NOL6: variants seen among roughly 807,000 people sequenced by gnomAD.
The protein encoded by NOL6 is nucleolar RNA-associated protein.
In NOL6, 33 loss-of-function variants were observed where a neutral mutation model predicts 131.7. The ratio of observed to expected loss-of-function variants is 0.25; its 90% CI spans 0.19 to 0.33. The LOEUF (loss-of-function observed/expected upper bound fraction) is 0.33. Among genes scored for constraint, NOL6 ranks in the 10% least tolerant of loss-of-function variants. The probability of loss-of-function intolerance (pLI) is 1.00; values close to 1 mark genes in which losing one functional copy is unlikely to be tolerated. For synonymous variants in NOL6, 580 were observed against 605.7 expected, an observed-to-expected ratio of 0.96 and a Z score of 0.62; for missense variants, 1,297 against 1,494.5, an observed-to-expected ratio of 0.87 and a Z score of 2.18.
At position 33,461,978 on chromosome 9, in the gene NOL6, C is replaced by T. The variant is rs776943771; in HGVS notation, c.*686G>A. Reference sequence around the variant, plus strand: ...GGCAGATGCAGCTAACGGGTAGCCCCCAGTGCTTTTTGCACCTCTCCAAGA... The same window carrying T: ...GGCAGATGCAGCTAACGGGTAGCCCTCAGTGCTTTTTGCACCTCTCCAAGA... On this transcript the variant is annotated 3_prime_UTR_variant, in exon 26 of 26. Transcript: ENST00000297990. 3.3e-6 allele frequency: 2 copies of T among 597,306 alleles called. No individual in the cohort carries two copies. The highest frequency in any genetic ancestry group is 6.1e-6 in the Non-Finnish European group (2 of 327,550). The allele number at this position is 597,306 out of a possible 1,614,324, so 37.0% of individuals were successfully genotyped here.
chr9:33,473,891 T>G lies in NOL6; in HGVS notation c.-49A>C, dbSNP rs778383502. ...GCACTTCAGATTCTAGCCGGGTCTATACCTCATAGCTTCCCACGTGGGCGG... is the reference window on the plus strand; with the variant it reads ...GCACTTCAGATTCTAGCCGGGTCTAGACCTCATAGCTTCCCACGTGGGCGG... On this transcript the variant is annotated 5_prime_UTR_variant, in exon 1 of 26. Coordinates refer to ENST00000297990, the MANE Select transcript of NOL6 (RefSeq NM_022917.5). The G allele has an allele frequency of 6.2e-7, 1 of 1,603,826 alleles. No homozygotes were observed. Among genetic ancestry groups the G allele is most frequent in the Non-Finnish European group, 8.5e-7 (1 of 1,177,176 alleles).
At position 33,466,349 on chromosome 9, in the gene NOL6, C is replaced by T. The variant is rs780346321; in HGVS notation, c.2168G>A (p.Arg723Gln). 3.0e-5 allele frequency: 48 copies of T among 1,614,078 alleles called. No individual in the cohort carries two copies. Among genetic ancestry groups the T allele is most frequent in the East Asian group, 8.9e-5 (4 of 44,902 alleles). The change falls in exon 17 of 26, where the codon CGG (arginine) becomes CAG (glutamine). Residue 723 changes from arginine to glutamine, a missense_variant. Transcript: ENST00000297990. Reference sequence around the variant, plus strand: ...GTAGGCCGGACAGGGCTTATCGAGCCGGGGCAGCAGTGAGGACCGCTCCCG... The same window carrying T: ...GTAGGCCGGACAGGGCTTATCGAGCTGGGGCAGCAGTGAGGACCGCTCCCG... ...TLRERSSLLP[R>Q]LDKPCPAYVE...
Position 33,467,013 on chromosome 9 carries a change from A to G in NOL6, c.1875-26T>C. 1 of 1,614,082 alleles carries G rather than the reference A, an allele frequency of 6.2e-7. No homozygotes were observed. The highest frequency in any genetic ancestry group is 8.5e-7 in the Non-Finnish European group (1 of 1,179,970). On this transcript the variant is annotated intron_variant, in intron 14 of 25. Coordinates refer to ENST00000297990, the MANE Select transcript of NOL6 (RefSeq NM_022917.5). The surrounding 1 kb of genome is among the most constrained non-coding windows in gnomAD (Gnocchi z 4.4). Reference sequence around the variant, plus strand: ...CTGAAAAAGAGGCAGAGACACAGTGAGAAAATTTGGGGCTATGTTCTCGCT... The same window carrying G: ...CTGAAAAAGAGGCAGAGACACAGTGGGAAAATTTGGGGCTATGTTCTCGCT...
intron 3 of NOL6, among the ~76,000 whole-genome samples, chr9:33,471,798 T>C (rs936336388): frequency 6.6e-6 from 1 of 152,234 alleles, no homozygotes; most frequent in Non-Finnish European, 1.5e-5. Flanking sequence ...TTTACTGATA[T>C]ATCCTAAGAA....
chr9:33,463,995 G>A, intron 22 of NOL6, 42 bp downstream of exon 22: 1 of 1,612,640 alleles, frequency 6.2e-7, no homozygotes, highest in Non-Finnish European at 8.5e-7. Flanking sequence ...CTTTTTCCTT[G>A]GGAAGAAAAC....
Position 33,468,416 on chromosome 9 carries a change from G to C in NOL6, c.1213C>G (p.Leu405Val). The C allele has an allele frequency of 6.2e-7, 1 of 1,614,140 alleles. No individual in the cohort carries two copies. Among genetic ancestry groups the C allele is most frequent in the Non-Finnish European group, 8.5e-7 (1 of 1,179,996 alleles). ...GAGAAGGCCTGGTGGAAGTCAGCCAGGGCCGGCTTGGGGGGTGTAGAGAGA... is the reference window on the plus strand; with the variant it reads ...GAGAAGGCCTGGTGGAAGTCAGCCACGGCCGGCTTGGGGGGTGTAGAGAGA... Reference protein sequence around the residue: ...CLSSDPSLPALADFHQAFSVV... With the variant: ...CLSSDPSLPAVADFHQAFSVV... Residue 405 changes from leucine to valine, a missense_variant, in exon 10 of 26, where the codon CTG (leucine) becomes GTG (valine). Leu to Val is a conservative substitution (Grantham distance 32). Transcript: ENST00000297990.
Position 33,467,910 on chromosome 9 carries a change from T to C in NOL6, c.1425-42A>G. 6.3e-7 allele frequency: 1 copy of C among 1,584,126 alleles called. No homozygotes were observed. Among genetic ancestry groups the C allele is most frequent in the Non-Finnish European group, 8.6e-7 (1 of 1,162,466 alleles). On this transcript the variant is annotated intron_variant, in intron 11 of 25. Transcript: ENST00000297990. This position sits in a 1 kb window ranked among gnomAD's most constrained non-coding sequence, Gnocchi z 4.4. ...GGCCAAAGAGGGGTAATCAGGTTGCTGGCCCCTAGTACCACCTCCTCCCTG... is the reference window on the plus strand; with the variant it reads ...GGCCAAAGAGGGGTAATCAGGTTGCCGGCCCCTAGTACCACCTCCTCCCTG...
chr9:33,468,624 G>A, intron 8 of NOL6, 58 bp from the exon 9 acceptor site: 1 of 1,607,744 alleles, frequency 6.2e-7, no homozygotes, highest in South Asian at 1.1e-5. Flanking sequence ...CAGCCCTAAT[G>A]ACACCCTCCC....
intron 21 of NOL6, 80 bp from the exon 22 acceptor site, chr9:33,464,241 C>G (rs772875148): frequency 5.4e-6 from 8 of 1,472,484 alleles, no homozygotes; most frequent in East Asian, 2.3e-5. Context: ...TCCTACGGTG[C>G]CCCCAACGGC....
In NOL6 at chr9:33,461,693, G is replaced by A. The variant is rs1247486178; in HGVS notation, c.*971C>T. On this transcript the variant is annotated 3_prime_UTR_variant, in exon 26 of 26. Transcript: ENST00000297990. The stretch of plus-strand genomic sequence containing the variant: ...AACTGCTCTAATAGTTCAGAGGAGG[G>A]AAAGATCACCTCAGGCTGGGGGCGA... 1.3e-5 allele frequency: 2 copies of A among 158,900 alleles called. No homozygotes were observed. The highest frequency in any genetic ancestry group is 1.4e-5 in the Non-Finnish European group (1 of 71,810). The allele number at this position is 158,900 out of a possible 1,614,324, so 9.8% of individuals were successfully genotyped here.
chr9:33,464,117 C>A lies in NOL6; in HGVS notation c.2824G>T (p.Ala942Ser). ...ACAATGACCATGACGGGGAGCTGTGCCCGAGCTGCCAGGAAGCCACTGCGG... is the reference window on the plus strand; with the variant it reads ...ACAATGACCATGACGGGGAGCTGTGACCGAGCTGCCAGGAAGCCACTGCGG... ...EIRSGFLAAR[A>S]QLPVMVIVTP... Residue 942 changes from alanine to serine, a missense_variant, in exon 22 of 26, where the codon GCA becomes TCA. Transcript: ENST00000297990. The A allele has an allele frequency of 6.2e-7, 1 of 1,612,710 alleles. No homozygotes were observed. Among genetic ancestry groups the A allele is most frequent in the Non-Finnish European group, 8.5e-7 (1 of 1,179,388 alleles).
chr9:33,465,735 C>T lies in NOL6; in HGVS notation c.2527G>A (p.Gly843Arg), dbSNP rs1485256346. The T allele has an allele frequency of 6.2e-6, 10 of 1,611,694 alleles. No homozygotes were observed. Among genetic ancestry groups the T allele is most frequent in the Admixed American group, 1.7e-5 (1 of 59,710 alleles). ...AAGAAGCTGTGTCAGTGGCCTTACC[C>T]GTGCAGGGCACTGGTGAGCAGTGGC... ...QLPLLTSALH[G>R]LQQQHPAFSG... The change falls in exon 19 of 26, where the codon GGA becomes AGA. Residue 843 changes from glycine to arginine, a missense_variant and splice_region_variant. Transcript: ENST00000297990.
At chr9:33,465,112 AC>A in intron 20 of NOL6, 94 bp downstream of exon 20, 1 of 1,499,864 alleles carries the variant, frequency 6.7e-7, no homozygotes, top group Non-Finnish European at 9.0e-7. Context: ...CACTTGCTCA[AC>A]CACCCATTCC....
Position 33,467,986 on chromosome 9 carries a change from A to G in NOL6, c.1424+44T>C. 1.2e-6 allele frequency: 2 copies of G among 1,613,708 alleles called. No homozygotes were observed. Among genetic ancestry groups the G allele is most frequent in the Non-Finnish European group, 1.7e-6 (2 of 1,179,780 alleles). Reference sequence around the variant, plus strand: ...CCTTTGCCCCACCACTGTAGCCCCGAAGAGACAGGACCCGCCAACATACCC... The same window carrying G: ...CCTTTGCCCCACCACTGTAGCCCCGGAGAGACAGGACCCGCCAACATACCC... On this transcript the variant is annotated intron_variant, in intron 11 of 25. Transcript: ENST00000297990. The surrounding 1 kb of genome is among the most constrained non-coding windows in gnomAD (Gnocchi z 4.4).
chr9:33,469,048 C>T lies in NOL6; in HGVS notation c.936G>A (p.Gln312=). The change falls in exon 7 of 26, where the codon CAG becomes CAA. Residue 312 remains glutamine, a synonymous_variant. Coordinates refer to ENST00000297990, the MANE Select transcript of NOL6 (RefSeq NM_022917.5). ...CTGAACTCAGAATGGTTGACAGCAG[C>T]TGCAAATGGGACTCGAGAACTGTAT... The part of the protein sequence containing the change: ...LQDTVLESHL[Q]LLSTILSSAQ... 6.2e-7 allele frequency: 1 copy of T among 1,614,188 alleles called. No homozygotes were observed. The highest frequency in any genetic ancestry group is 8.5e-7 in the Non-Finnish European group (1 of 1,180,034).
At chr9:33,466,741 C>T (rs750574920) in intron 15 of NOL6, 32 bp from the exon 16 acceptor site, 73 of 1,611,174 alleles carry the variant, frequency 4.5e-5, no homozygotes, top group Admixed American at 1.3e-4. Context: ...GGAGGCTGGA[C>T]CCTACAGAAG....
intron 1 of NOL6, 39 bp from the exon 2 acceptor site, chr9:33,472,451 G>C: frequency 5.2e-6 from 8 of 1,547,102 alleles, no homozygotes; most frequent in Non-Finnish European, 6.2e-6. Context: ...GAGGTAATAG[G>C]TATCTAGCAT....
Position 33,467,908 on chromosome 9 carries a change from G to A in NOL6, c.1425-40C>T. The A allele has an allele frequency of 6.3e-7, 1 of 1,583,438 alleles. No individual in the cohort carries two copies. The highest frequency in any genetic ancestry group is 1.2e-5 in the South Asian group (1 of 86,832). Reference sequence around the variant, plus strand: ...AGGGCCAAAGAGGGGTAATCAGGTTGCTGGCCCCTAGTACCACCTCCTCCC... The same window carrying A: ...AGGGCCAAAGAGGGGTAATCAGGTTACTGGCCCCTAGTACCACCTCCTCCC... On this transcript the variant is annotated intron_variant, in intron 11 of 25. Transcript: ENST00000297990. The surrounding 1 kb of genome is among the most constrained non-coding windows in gnomAD (Gnocchi z 4.4).
Position 33,470,159 on chromosome 9 carries a change from A to G in NOL6, c.411T>C (p.Val137=). Reference sequence around the variant, plus strand: ...AGGGCACTTGGTGGAGGGGCACTCGAACCCCAGCTGGGAGCCATGCCTGGT... The same window carrying G: ...AGGGCACTTGGTGGAGGGGCACTCGGACCCCAGCTGGGAGCCATGCCTGGT... ...LTDQAWLPAG[V]RVPLHQVPYA... The change falls in exon 4 of 26, where the codon GTT becomes GTC. Residue 137 remains valine (V), a synonymous_variant. Transcript: ENST00000297990. The G allele has an allele frequency of 6.2e-7, 1 of 1,600,780 alleles. No individual in the cohort carries two copies. Among genetic ancestry groups the G allele is most frequent in the East Asian group, 2.3e-5 (1 of 44,416 alleles).
Sources: gnomAD v4.1 joint callset for allele counts (sites outside exome capture counted in the v4.1 genomes callset) on GRCh38, gnomAD v4.1.1 for gene constraint, Gnocchi (gnomAD v3.1) non-coding constraint, MANE v1.5 for transcripts, NCBI Gene and HGNC (gene_info 2026-07-23, HGNC 2026-07-21) for gene names.